RANBP2: variants seen among roughly 807,000 people sequenced by gnomAD.
The protein encoded by RANBP2 is E3 SUMO-protein ligase RanBP2.
Under a neutral mutation model 303.6 loss-of-function variants are expected in RANBP2, and 57 were observed. The ratio of observed to expected loss-of-function variants is 0.19; its 90% CI spans 0.15 to 0.23. The LOEUF (loss-of-function observed/expected upper bound fraction) is 0.23, where lower values mean the gene tolerates loss of function less well. RANBP2 is among the 10% of genes least tolerant of loss of function. The pLI is 1.00. For synonymous variants in RANBP2, 1,167 were observed against 1,301.5 expected (o/e 0.90, Z 2.23); for missense variants, 3,138 against 3,780.8 (o/e 0.83, Z 4.46).
At chr2:109,156,283 A>G in the RANBP2 span, among the ~76,000 whole-genome samples, 1 of 152,170 alleles carries the variant, frequency 6.6e-6, no homozygotes, top group Non-Finnish European at 1.5e-5. Context: ...TCGAGTTGCT[A>G]TCTCATCTTC....
the RANBP2 span, among the ~76,000 whole-genome samples, chr2:109,352,658 C>T: frequency 2.0e-5 from 3 of 152,206 alleles, no homozygotes; most frequent in Admixed American, 6.5e-5. Flanking sequence ...TGAAGTTACC[C>T]GAGAAACTCA....
At chr2:108,743,424 C>G (rs934628122) in intron 7 of RANBP2, among the ~76,000 whole-genome samples, 35 of 152,138 alleles carry the variant, frequency 2.3e-4, no homozygotes, top group Admixed American at 6.5e-5. Context: ...CAGGTGCCTG[C>G]CACCATGCCT....
At chr2:109,432,702 G>A in the RANBP2 span, 1 of 1,597,884 alleles carries the variant, frequency 6.3e-7, no homozygotes, top group Non-Finnish European at 8.5e-7. Flanking sequence ...GCCTGGGCAA[G>A]GAGAGGGCAA....
the RANBP2 span, among the ~76,000 whole-genome samples, chr2:109,532,049 C>T: frequency 6.6e-6 from 1 of 152,242 alleles, no homozygotes; most frequent in Non-Finnish European, 1.5e-5. Context: ...CCCCACGGCA[C>T]CAGGCCAGAG....
At chr2:108,866,346 C>CTT in the RANBP2 span, among the ~76,000 whole-genome samples, 1 of 152,190 alleles carries the variant, frequency 6.6e-6, no homozygotes, top group African/African-American at 2.4e-5. Flanking sequence ...ATCTGCAAAG[C>CTT]ATTTGTCTTA....
At chr2:109,632,933 C>G in the RANBP2 span, among the ~76,000 whole-genome samples, 3 of 152,190 alleles carry the variant, frequency 2.0e-5, no homozygotes, top group African/African-American at 7.2e-5. Context: ...CCAACTCTTA[C>G]CAGTTACCAC....
chr2:109,563,709 A>G, the RANBP2 span, among the ~76,000 whole-genome samples: 1 of 152,214 alleles, frequency 6.6e-6, no homozygotes, highest in African/African-American at 2.4e-5. Flanking sequence ...GAAACAATCT[A>G]ATCTCCAACT....
chr2:109,317,052 C>G, the RANBP2 span, among the ~76,000 whole-genome samples: 5 of 152,138 alleles, frequency 3.3e-5, no homozygotes, highest in African/African-American at 1.2e-4. Context: ...CACTCACCTC[C>G]TGAGGCTATC....
At chr2:109,089,112 A>G in the RANBP2 span, among the ~76,000 whole-genome samples, 2 of 146,816 alleles carry the variant, frequency 1.4e-5, no homozygotes, top group Admixed American at 1.4e-4. Flanking sequence ...GAAGCCCCAC[A>G]GGAGGAAAAG....
chr2:109,307,486 A>G, the RANBP2 span, among the ~76,000 whole-genome samples: 1 of 149,800 alleles, frequency 6.7e-6, no homozygotes, highest in South Asian at 2.1e-4. Flanking sequence ...GGTTAGTTAC[A>G]TATGTATACA....
the RANBP2 span, among the ~76,000 whole-genome samples, chr2:109,630,010 G>T: frequency 0.16 from 23,850 of 151,912 alleles, 2,246 homozygotes; most frequent in Non-Finnish European, 0.22. Flanking sequence ...AATACAACAC[G>T]CCCACACATA....
At chr2:109,698,476 A>C in the RANBP2 span, among the ~76,000 whole-genome samples, 1 of 151,360 alleles carries the variant, frequency 6.6e-6, no homozygotes, top group Non-Finnish European at 1.5e-5. Flanking sequence ...AGAAAAAAAA[A>C]ATACATAAAT....
the RANBP2 span, chr2:109,503,427 G>A: frequency 1.3e-5 from 2 of 152,030 alleles, no homozygotes; most frequent in East Asian, 1.9e-4. Flanking sequence ...ACCACACGGC[G>A]GGGGTCATGC....
the RANBP2 span, among the ~76,000 whole-genome samples, chr2:109,579,262 C>A: frequency 6.6e-6 from 1 of 152,132 alleles, no homozygotes; most frequent in African/African-American, 2.4e-5. Flanking sequence ...GTCCTATAAT[C>A]ATTTTTTAAA....
chr2:109,439,257 G>A, the RANBP2 span, among the ~76,000 whole-genome samples: 1 of 152,190 alleles, frequency 6.6e-6, no homozygotes, highest in Non-Finnish European at 1.5e-5. Flanking sequence ...CACACGGGGA[G>A]AGTGAGGCAC....
chr2:109,215,688 A>G, the RANBP2 span, among the ~76,000 whole-genome samples: 2 of 152,134 alleles, frequency 1.3e-5, no homozygotes, highest in African/African-American at 4.8e-5. Flanking sequence ...TGCTTCTGGA[A>G]TCCTACACCC....
chr2:109,524,193 T>G, the RANBP2 span, among the ~76,000 whole-genome samples: 74 of 152,168 alleles, frequency 4.9e-4, no homozygotes, highest in African/African-American at 1.6e-3. Flanking sequence ...AAACTCAGGC[T>G]CAGGGAAGCC....
chr2:109,423,375 C>A, the RANBP2 span, among the ~76,000 whole-genome samples: 127 of 152,248 alleles, frequency 8.3e-4, no homozygotes, highest in African/African-American at 2.9e-3. Context: ...TCAGGAGTGA[C>A]CCCCTCATGA....
the RANBP2 span, among the ~76,000 whole-genome samples, chr2:109,673,243 C>T: frequency 6.6e-6 from 1 of 152,262 alleles, no homozygotes; most frequent in Non-Finnish European, 1.5e-5. Context: ...TCAGTTTATC[C>T]ATCTTTACAA....
Sources: allele counts gnomAD v4.1 joint callset (sites outside exome capture counted in the v4.1 genomes callset), GRCh38; gene constraint gnomAD v4.1.1; transcripts MANE v1.5; gene names NCBI Gene and HGNC (gene_info 2026-07-23, HGNC 2026-07-21).